Variants in NXPE2 observed in about 807,000 individuals in gnomAD.
NXPE2 encodes neurexophilin and PC-esterase domain family member 2.
In NXPE2, 34 loss-of-function variants were observed where a neutral mutation model predicts 34.4. The observed-to-expected ratio is 0.99, with a 90% CI of 0.75 to 1.31. The LOEUF is 1.31. Among genes scored for constraint, NXPE2 ranks in the 40% most tolerant of loss-of-function variants. The pLI is 0.00. For missense variants in NXPE2, 649 were observed against 672.5 expected (o/e 0.97, Z 0.39); for synonymous variants, 235 against 231.3 (o/e 1.02, Z -0.15).
chr11:114,799,803 C>T, the NXPE2 span, among the ~76,000 whole-genome samples: 1 of 152,186 alleles, frequency 6.6e-6, no homozygotes, highest in Non-Finnish European at 1.5e-5. Flanking sequence ...TCCGGAATGA[C>T]AAGCCTAGAG....
chr11:114,591,427 T>C, the NXPE2 span, among the ~76,000 whole-genome samples: 25 of 152,126 alleles, frequency 1.6e-4, no homozygotes, highest in Non-Finnish European at 5.9e-5. Context: ...AGTAATGCAT[T>C]GTAAGGGACA....
At chr11:114,712,264 A>C in the NXPE2 span, among the ~76,000 whole-genome samples, 1 of 152,196 alleles carries the variant, frequency 6.6e-6, no homozygotes, top group South Asian at 2.1e-4. Context: ...AATGCAAGGC[A>C]ACAAAATAAA....
At chr11:114,538,154 A>T in the NXPE2 span, among the ~76,000 whole-genome samples, 1 of 152,204 alleles carries the variant, frequency 6.6e-6, no homozygotes, top group Non-Finnish European at 1.5e-5. Context: ...TCTTTGACAA[A>T]CCTGACAAAA....
chr11:114,584,867 G>T, the NXPE2 span, among the ~76,000 whole-genome samples: 6 of 152,274 alleles, frequency 3.9e-5, no homozygotes, highest in Admixed American at 3.3e-4. Context: ...GCTGTGCTGG[G>T]TGATCTCTTC....
upstream of NXPE2, among the ~76,000 whole-genome samples, chr11:114,674,372 T>C (rs751132437): frequency 1.1e-4 from 16 of 151,740 alleles, no homozygotes; most frequent in Non-Finnish European, 2.1e-4. Context: ...ATCAAGTGTC[T>C]ATGGAGCTGA....
At chr11:114,521,956 A>G in the NXPE2 span, 3 of 1,574,766 alleles carry the variant, frequency 1.9e-6, no homozygotes, top group South Asian at 1.1e-5. Context: ...GATTTTGTAT[A>G]GTATTTATCC....
chr11:114,600,550 C>T, the NXPE2 span, among the ~76,000 whole-genome samples: 2 of 151,916 alleles, frequency 1.3e-5, no homozygotes, highest in Admixed American at 6.6e-5. Context: ...AATTGAGTGA[C>T]GTTCTACAAA....
chr11:114,594,915 G>T, the NXPE2 span: 268 of 555,666 alleles, frequency 4.8e-4, no homozygotes, highest in Middle Eastern at 9.9e-4. Flanking sequence ...CTTCACCCCC[G>T]CAAGCTGTAC....
upstream of NXPE2, among the ~76,000 whole-genome samples, chr11:114,674,567 A>G (rs900563168): frequency 2.6e-5 from 4 of 151,706 alleles, no homozygotes; most frequent in Admixed American, 6.6e-5. Context: ...GAATCAAAAC[A>G]TACCACCACA....
the NXPE2 span, chr11:114,570,676 G>A: frequency 3.6e-6 from 1 of 275,282 alleles, no homozygotes. Context: ...TAGGTGTCTT[G>A]ACTTCCCATT....
At chr11:114,628,700 A>C in the NXPE2 span, among the ~76,000 whole-genome samples, 1 of 1,112 alleles carries the variant, frequency 9.0e-4, no homozygotes, top group Non-Finnish European at 1.1e-3. Context: ...TAGAGACACA[A>C]AAAACCCCTT....
At chr11:114,533,054 A>G in the NXPE2 span, among the ~76,000 whole-genome samples, 12,363 of 152,246 alleles carry the variant, frequency 0.081, 722 homozygotes, top group East Asian at 0.23. Context: ...TAACTGAATT[A>G]ATGTTCAACA....
At chr11:114,605,871 A>G in the NXPE2 span, among the ~76,000 whole-genome samples, 7 of 151,772 alleles carry the variant, frequency 4.6e-5, no homozygotes, top group Non-Finnish European at 8.8e-5. Flanking sequence ...GGTGGATAAT[A>G]AGTGTTGCCT....
At chr11:114,782,775 C>A in the NXPE2 span, among the ~76,000 whole-genome samples, 1 of 152,172 alleles carries the variant, frequency 6.6e-6, no homozygotes, top group African/African-American at 2.4e-5. Context: ...ACACCTGATT[C>A]TTATTGCAGA....
At chr11:114,606,325 GATA>G in the NXPE2 span, among the ~76,000 whole-genome samples, 2 of 151,148 alleles carry the variant, frequency 1.3e-5, no homozygotes, top group African/African-American at 2.4e-5. Flanking sequence ...TTACCCAGTG[GATA>G]ATAAGTGTTA....
chr11:114,740,513 C>G, the NXPE2 span, among the ~76,000 whole-genome samples: 1 of 151,964 alleles, frequency 6.6e-6, no homozygotes, highest in Non-Finnish European at 1.5e-5. Flanking sequence ...TATTGTGTCT[C>G]TAGTTTTAAT....
chr11:114,714,133 C>T, the NXPE2 span, among the ~76,000 whole-genome samples: 2 of 152,342 alleles, frequency 1.3e-5, no homozygotes, highest in African/African-American at 4.8e-5. Flanking sequence ...TCTGATTTAG[C>T]ATCAACTATA....
At chr11:114,614,617 T>C in the NXPE2 span, among the ~76,000 whole-genome samples, 29 of 152,096 alleles carry the variant, frequency 1.9e-4, no homozygotes, top group Admixed American at 1.9e-3. Flanking sequence ...GGGTAACCAC[T>C]GTTACCTGGT....
At chr11:114,576,943 C>A in the NXPE2 span, among the ~76,000 whole-genome samples, 3 of 146,746 alleles carry the variant, frequency 2.0e-5, no homozygotes, top group South Asian at 6.5e-4. Context: ...AGCCCAAATG[C>A]CCATTAATCA....
Sources: gnomAD v4.1 joint callset for allele counts (sites outside exome capture counted in the v4.1 genomes callset) on GRCh38, gnomAD v4.1.1 for gene constraint, MANE v1.5 for transcripts, NCBI Gene and HGNC (gene_info 2026-07-23, HGNC 2026-07-21) for gene names.